The following POMGNT1 variants were observed in gnomAD, a reference collection of about 807,000 sequenced individuals.
POMGNT1 encodes protein O-linked mannose N-acetylglucosaminyltransferase 1 (beta 1,2-), also known as protein O-linked-mannose beta-1,2-N-acetylglucosaminyltransferase 1.
Under a neutral mutation model 95.6 loss-of-function variants are expected in POMGNT1, and 67 were observed. That is an observed-to-expected ratio of 0.70 (90% confidence interval 0.58 to 0.86). The LOEUF is 0.86. POMGNT1 is among the 40% of genes least tolerant of loss of function. POMGNT1 has a pLI of 0.00. For synonymous variants in POMGNT1, 298 were observed against 317.9 expected (o/e 0.94, Z 0.66); for missense variants, 719 against 855.2 (o/e 0.84, Z 1.99).
At chr1:46,190,898 G>A in intron 17 of POMGNT1, 114 bp from the exon 18 acceptor site, 1 of 998,452 alleles carries the variant, frequency 1.0e-6, no homozygotes, top group Non-Finnish European at 1.6e-6. Flanking sequence ...CCTGTAAAGA[G>A]CCCTCTAATT....
At chr1:46,208,917 A>G (rs1557683761) in intron 1 of POMGNT1, among the ~76,000 whole-genome samples, 1 of 152,226 alleles carries the variant, frequency 6.6e-6, no homozygotes, top group African/African-American at 2.4e-5. Context: ...AGACAAGGTA[A>G]TAGGAACAAA....
At chr1:46,208,359 A>G (rs980342406) in intron 1 of POMGNT1, among the ~76,000 whole-genome samples, 3 of 152,196 alleles carry the variant, frequency 2.0e-5, no homozygotes, top group African/African-American at 7.2e-5. Context: ...AACCTTCTGA[A>G]GGTAAGAAAT....
Position 46,188,812 on chromosome 1 carries a change from G to A in POMGNT1, c.*458C>T, listed in dbSNP as rs1657513532. The A allele has an allele frequency of 6.2e-7, 1 of 1,612,894 alleles. No homozygotes were observed. Among genetic ancestry groups the A allele is most frequent in the East Asian group, 2.2e-5 (1 of 44,878 alleles). On this transcript the variant is annotated 3_prime_UTR_variant, in exon 22 of 22. Coordinates refer to ENST00000371984, the MANE Select transcript of POMGNT1 (RefSeq NM_017739.4). ...CTGAGTGAGTCTGTGTCAGCATGTG[G>A]GCCCCAGCTGGGCCTGTCCATGGGT...
At chr1:46,213,244 T>G (rs1206677898) in intron 1 of POMGNT1, among the ~76,000 whole-genome samples, 7 of 151,460 alleles carry the variant, frequency 4.6e-5, no homozygotes, top group Non-Finnish European at 7.4e-5. Flanking sequence ...TTCATAAGAT[T>G]ATAACACAGC....
rs538459940 is a variant in POMGNT1, at chr1:46,210,775, G to A, written c.-51+8930C>T. The stretch of plus-strand genomic sequence containing the variant: ...GACGCTCTCTGAATCCTGTTGTGGG[G>A]ACCTTTTTTTATTTTTTGAGACAAG... On this transcript the variant is annotated intron_variant, in intron 1 of 22. Coordinates refer to the POMGNT1 transcript ENST00000371992. Among the ~76,000 whole-genome samples the A allele has an allele frequency of 2.0e-5, 3 of 152,102 alleles. No individual in the cohort carries two copies. The East Asian group carries it at 5.8e-4, about 29-fold the overall frequency.
Position 46,189,153 on chromosome 1 carries a change from TA to T in POMGNT1, c.*116del. The T allele has an allele frequency of 1.3e-6, 2 of 1,504,022 alleles. No homozygotes were observed. The highest frequency in any genetic ancestry group is 4.9e-5 in the Admixed American group (2 of 40,958). 93.2% of individuals were successfully genotyped at this position (1,504,022 alleles called of 1,614,324 possible). A position where few individuals can be genotyped will look rare whatever the true frequency, so the allele number is the denominator to read the frequency against. On this transcript the variant is annotated 3_prime_UTR_variant, in exon 22 of 22. Transcript: ENST00000371984. The stretch of plus-strand genomic sequence containing the variant: ...TGGAGTTAGTAATTAAGTCTCATGT[TA>T]AAAACAAGGTAGCCCCAGCCCCTAC...
At chr1:46,197,178 C>A (rs1161865010) in intron 2 of POMGNT1, 94 bp from the exon 3 acceptor site, 1 of 1,606,660 alleles carries the variant, frequency 6.2e-7, no homozygotes, top group Non-Finnish European at 8.5e-7. Context: ...GTGAAGACAT[C>A]CAGAGAAACT....
At position 46,209,270 on chromosome 1, in the gene POMGNT1, C is replaced by T. The variant is rs1045391941; in HGVS notation, c.-51+10435G>A. On this transcript the variant is annotated intron_variant, in intron 1 of 22. Coordinates refer to the POMGNT1 transcript ENST00000371992. ...AACTCCCGAACTCAGGTGATCCATC[C>T]GCCTTGGCCTCCCAAAGTGCTGGGA... Among the ~76,000 whole-genome samples the T allele has an allele frequency of 4.6e-5, 7 of 151,972 alleles. No homozygotes were observed. In the East Asian group the frequency reaches 5.8e-4, roughly 13 times the overall value.
chr1:46,220,148 TGA>T, exon 1 of POMGNT1: 1 of 1,614,018 alleles, frequency 6.2e-7, no homozygotes, highest in East Asian at 2.2e-5. Flanking sequence ...CACCAGAGGA[TGA>T]GAGTGCCAAG....
At chr1:46,193,447 A>T in intron 11 of POMGNT1, 59 bp from the exon 12 acceptor site, 1 of 1,605,936 alleles carries the variant, frequency 6.2e-7, no homozygotes, top group Non-Finnish European at 8.5e-7. Flanking sequence ...CCACCTCTGC[A>T]ATCCAAGGCC....
At chr1:46,199,858 C>T (rs1259173725), upstream of POMGNT1, among the ~76,000 whole-genome samples, 2 of 152,028 alleles carry the variant, frequency 1.3e-5, no homozygotes, top group Non-Finnish European at 2.9e-5. Context: ...GGAAGAAAAC[C>T]CAACACATTT....
exon 1 of POMGNT1, chr1:46,219,781 T>G (rs770347772): frequency 2.5e-6 from 4 of 1,614,114 alleles, no homozygotes; most frequent in Middle Eastern, 1.6e-4. Flanking sequence ...CGCTGGCTGT[T>G]GGAGGAGCGG....
chr1:46,192,499 C>T lies in POMGNT1; in HGVS notation c.1284+19G>A. Reference sequence around the variant, plus strand: ...GGCCTCATAAACTCGCCTGCTAAACCCTGGTCATTCCAGCCTACCTGGTCA... The same window carrying T: ...GGCCTCATAAACTCGCCTGCTAAACTCTGGTCATTCCAGCCTACCTGGTCA... On this transcript the variant is annotated intron_variant, in intron 15 of 21. Coordinates refer to ENST00000371984, the MANE Select transcript of POMGNT1 (RefSeq NM_017739.4). The T allele has an allele frequency of 6.2e-7, 1 of 1,614,148 alleles. No homozygotes were observed.
At chr1:46,207,076 G>A (rs1315310593) in intron 1 of POMGNT1, among the ~76,000 whole-genome samples, 2 of 151,512 alleles carry the variant, frequency 1.3e-5, no homozygotes, top group Admixed American at 6.6e-5. Flanking sequence ...GTCTGGCTGA[G>A]TCCTTCTATT....
At chr1:46,192,486 T>A in intron 15 of POMGNT1, 32 bp downstream of exon 15, 1 of 1,614,080 alleles carries the variant, frequency 6.2e-7, no homozygotes, top group South Asian at 1.1e-5. Context: ...CCTCATAAAC[T>A]CGCCTGCTAA....
Position 46,197,755 on chromosome 1 carries a change from G to A in POMGNT1, c.67C>T (p.Leu23Phe). The A allele has an allele frequency of 1.2e-6, 2 of 1,614,162 alleles. No homozygotes were observed. The highest frequency in any genetic ancestry group is 1.7e-6 in the Non-Finnish European group (2 of 1,180,012). The change falls in exon 2 of 22, where the codon CTT (leucine) becomes TTT (phenylalanine). Residue 23 changes from leucine (L) to phenylalanine (F), a missense_variant. Physicochemically the swap from Leu to Phe is conservative, Grantham distance 22. This residue lies in a region of POMGNT1 where 466 missense variants were observed against 517.4 expected (regional missense o/e 0.90). Transcript: ENST00000371984. The part of the protein sequence containing the change: ...FGARKKRSWY[L>F]TWKYKLTNQR... ...TTTGTCAGTTTATACTTCCAGGTAA[G>A]GTACCAGCTCCGCTTCTTCCGAGCC...
chr1:46,204,519 C>T (rs1054882784), intron 1 of POMGNT1, among the ~76,000 whole-genome samples: 1 of 146,018 alleles, frequency 6.8e-6, no homozygotes, highest in African/African-American at 2.4e-5. Context: ...ACAGTGAGTA[C>T]GTCAGCTAAA....
chr1:46,189,018 C>A lies in POMGNT1; in HGVS notation c.*252G>T, dbSNP rs1657530687. 1 of 1,585,320 alleles carries A rather than the reference C, an allele frequency of 6.3e-7. No homozygotes were observed. The highest frequency in any genetic ancestry group is 8.6e-7 in the Non-Finnish European group (1 of 1,166,290). On this transcript the variant is annotated 3_prime_UTR_variant, in exon 22 of 22. Transcript: ENST00000371984. ...GGTATTCAAAGGGCAGGATGAGCTG[C>A]TAGGGATCGTAATGATTCCCAGGTA...
Position 46,188,908 on chromosome 1 carries a change from CAGGCCCTCCAGGTTCGGCCTGTTTTCA to C in POMGNT1, c.*335_*361del, listed in dbSNP as rs754791169. ...CAGCATTCCAGCCCAAAAAGAAATC[CAGGCCCTCCAGGTTCGGCCTGTTTTCA>C]AGGCCCTCAGGACAGTCAATAAATA... On this transcript the variant is annotated 3_prime_UTR_variant, in exon 22 of 22. Transcript: ENST00000371984. 3 of 1,612,718 alleles carry C rather than the reference CAGGCCCTCCAGGTTCGGCCTGTTTTCA, an allele frequency of 1.9e-6. No homozygotes were observed. The African/African-American group carries it at 4.0e-5, about 22-fold the overall frequency.
Sources: allele counts gnomAD v4.1 joint callset (sites outside exome capture counted in the v4.1 genomes callset), GRCh38; gene constraint gnomAD v4.1.1; regional missense constraint gnomAD v4.1.1; transcripts MANE v1.5; gene names NCBI Gene and HGNC (gene_info 2026-07-23, HGNC 2026-07-21).